Variants in CD4 observed in about 807,000 individuals in gnomAD.
CD4 encodes the protein CD4 molecule.
A neutral mutation model predicts 50.5 loss-of-function variants in CD4; 25 were observed. The observed-to-expected ratio is 0.49, with a 90% CI of 0.36 to 0.69. The LOEUF is 0.69. Among genes scored for constraint, CD4 ranks in the 30% least tolerant of loss-of-function variants. The probability of loss-of-function intolerance (pLI) is 0.00; values close to 1 mark genes in which losing one functional copy is unlikely to be tolerated. For missense variants in CD4, 456 were observed against 548.5 expected, an observed-to-expected ratio of 0.83 and a Z score of 1.68; for synonymous variants, 207 against 221.9, an observed-to-expected ratio of 0.93 and a Z score of 0.60.
chr12:6,807,245 T>C (rs1309119338), intron 3 of CD4, among the ~76,000 whole-genome samples: 1 of 152,294 alleles, frequency 6.6e-6, no homozygotes, highest in Non-Finnish European at 1.5e-5. Context: ...CCTAGAGCAA[T>C]GAAGACTTAT....
Position 6,800,207 on chromosome 12 carries a change from G to A in CD4, c.49+20G>A, listed in dbSNP as rs201059681. The A allele has an allele frequency of 1.0e-5, 16 of 1,561,818 alleles. No homozygotes were observed. Among genetic ancestry groups the A allele is most frequent in the Non-Finnish European group, 1.4e-5 (16 of 1,151,072 alleles). ...AACTGGGTAAGTTCTCAGACCTGGGGTCTCAATGCAGATGACGTGGGAGGA... is the reference window on the plus strand; with the variant it reads ...AACTGGGTAAGTTCTCAGACCTGGGATCTCAATGCAGATGACGTGGGAGGA... On this transcript the variant is annotated intron_variant, in intron 2 of 9. Transcript: ENST00000011653.
rs1328368781 is a variant in CD4, at chr12:6,800,360, G to A, written c.103G>A (p.Asp35Asn). 3.1e-6 allele frequency: 5 copies of A among 1,614,076 alleles called. No individual in the cohort carries two copies. The highest frequency in any genetic ancestry group is 4.2e-6 in the Non-Finnish European group (5 of 1,180,002). ...GKKVVLGKKG[D>N]TVELTCTASQ... ...GAAAGTGGTGCTGGGCAAAAAAGGG[G>A]ATACAGTGGAACTGACCTGTACAGC... The change falls in exon 3 of 10, where the codon GAT (aspartate) becomes AAT (asparagine). Residue 35 changes from aspartate (D) to asparagine (N), a missense_variant. Asp to Asn is a conservative substitution (Grantham distance 23, BLOSUM62 1). Transcript: ENST00000011653.
chr12:6,805,827 A>G (rs1942737627), intron 3 of CD4, among the ~76,000 whole-genome samples: 1 of 152,082 alleles, frequency 6.6e-6, no homozygotes, highest in African/African-American at 2.4e-5. Flanking sequence ...CTGTAATCCT[A>G]GCACTTTGGG....
intron 1 of CD4, among the ~76,000 whole-genome samples, chr12:6,795,138 AATCT>A (rs944135440): frequency 3.0e-5 from 4 of 132,188 alleles, no homozygotes; most frequent in Admixed American, 1.5e-4. Context: ...CTATCTATCT[AATCT>A]ATCTTTCTGT....
rs1943219720 is a variant in CD4, at chr12:6,819,700, C to A, written c.*371C>A. ...TGGAAGCATGGAGCATGGGACTGTT[C>A]TTTTACAAGACAGGACCCTGGGACC... is the stretch of plus-strand genomic sequence containing the variant. On this transcript the variant is annotated 3_prime_UTR_variant, in exon 10 of 10. Coordinates refer to ENST00000011653, the MANE Select transcript of CD4 (RefSeq NM_000616.5). The A allele has an allele frequency of 3.8e-6, 1 of 261,560 alleles. No homozygotes were observed. The highest frequency in any genetic ancestry group is 5.5e-5 in the South Asian group (1 of 18,216). 16.2% of individuals were successfully genotyped at this position (261,560 alleles called of 1,614,324 possible).
Position 6,814,762 on chromosome 12 carries a change from C to T in CD4, c.377C>T (p.Thr126Ile). ...CAGCTGGCCTTTCCCTCCACAGTGA[C>T]TGCCAACTCTGACACCCACCTGCTT... ...EEVQLLVFGL[T>I]ANSDTHLLQG... is the part of the protein sequence containing the mutation. The change falls in exon 5 of 10, where the codon ACT (threonine) becomes ATT (isoleucine). Residue 126 changes from threonine (T) to isoleucine (I), a missense_variant. Coordinates refer to ENST00000011653, the MANE Select transcript of CD4 (RefSeq NM_000616.5). 2 of 1,613,162 alleles carry T rather than the reference C, an allele frequency of 1.2e-6. No individual in the cohort carries two copies. The highest frequency in any genetic ancestry group is 1.7e-6 in the Non-Finnish European group (2 of 1,179,246).
chr12:6,808,955 C>T lies in CD4; in HGVS notation c.215-5187C>T, dbSNP rs11064406. Among the ~76,000 whole-genome samples, 1,469 of 152,176 alleles carry T rather than the reference C, an allele frequency of 9.7e-3. 19 individuals are homozygous for T. Among genetic ancestry groups the T allele is most frequent in the African/African-American group, 0.033 (1,369 of 41,520 alleles). On this transcript the variant is annotated intron_variant, in intron 3 of 9. Transcript: ENST00000011653. Reference sequence around the variant, plus strand: ...GTTTTAATTTGCATTTCTTTCACTGCCTATGAGATTAAAACAATGCACTAC... The same window carrying T: ...GTTTTAATTTGCATTTCTTTCACTGTCTATGAGATTAAAACAATGCACTAC...
rs201423104 is a variant in CD4 at position 6,814,885 on chromosome 12, A to T, written c.500A>T (p.Lys167Met). The T allele has an allele frequency of 6.2e-7, 1 of 1,613,412 alleles. No individual in the cohort carries two copies. Among genetic ancestry groups the T allele is most frequent in the African/African-American group, 1.3e-5 (1 of 74,834 alleles). ...AGGGGTAAAAACATACAGGGGGGGA[A>T]GACCCTCTCCGTGTCTCAGCTGGAG... ...SPRGKNIQGG[K>M]TLSVSQLELQ... is the part of the protein sequence containing the mutation. Residue 167 changes from lysine (K) to methionine (M), a missense_variant, in exon 5 of 10, where the codon AAG becomes ATG. Lys to Met is a moderately conservative substitution (Grantham distance 95). Coordinates refer to ENST00000011653, the MANE Select transcript of CD4 (RefSeq NM_000616.5).
chr12:6,815,103 G>A, intron 5 of CD4, 111 bp downstream of exon 5: 2 of 751,832 alleles, frequency 2.7e-6, no homozygotes, highest in East Asian at 5.4e-5. Context: ...GTCAGGAGTG[G>A]AGAAGACTAG....
chr12:6,797,443 C>T (rs891064561), intron 1 of CD4, among the ~76,000 whole-genome samples: 1 of 152,238 alleles, frequency 6.6e-6, no homozygotes, highest in African/African-American at 2.4e-5. Context: ...GTATTTCTCG[C>T]AAGGTGGAGA....
chr12:6,790,790 G>A (rs772604807), intron 1 of CD4, among the ~76,000 whole-genome samples: 13 of 152,174 alleles, frequency 8.5e-5, no homozygotes, highest in Non-Finnish European at 1.2e-4. Context: ...CCTGGGGTAC[G>A]TTCTGATCCC....
At chr12:6,793,897 C>G (rs1281683709) in intron 1 of CD4, among the ~76,000 whole-genome samples, 1 of 151,306 alleles carries the variant, frequency 6.6e-6, no homozygotes, top group African/African-American at 2.4e-5. Flanking sequence ...AAGTGATCTG[C>G]CTGCCTCGGC....
chr12:6,801,661 A>C (rs781993096), intron 3 of CD4, among the ~76,000 whole-genome samples: 93 of 150,394 alleles, frequency 6.2e-4, no homozygotes, highest in African/African-American at 2.1e-3. Context: ...CCCGGGTTCA[A>C]GTGATTCTCC....
At chr12:6,817,856 C>G (rs1294441907) in intron 7 of CD4, among the ~76,000 whole-genome samples, 1 of 144,914 alleles carries the variant, frequency 6.9e-6, no homozygotes, top group Non-Finnish European at 1.5e-5. Flanking sequence ...CACACATGTA[C>G]TCACACATGC....
chr12:6,818,951 G>A lies in CD4; in HGVS notation c.1346+37G>A. On this transcript the variant is annotated intron_variant, in intron 9 of 9. Transcript: ENST00000011653. The surrounding 1 kb of genome is among the most constrained non-coding windows in gnomAD (Gnocchi z 5.0). ...GGAGGAGGGGTTGAGAGAGGGGAAA[G>A]GGGGAGGGGGAGGGAGTTAGAGAGG... is the stretch of plus-strand genomic sequence containing the variant. 1.1e-6 allele frequency: 1 copy of A among 905,368 alleles called. No individual in the cohort carries two copies. Among genetic ancestry groups the A allele is most frequent in the South Asian group, 1.4e-5 (1 of 71,230 alleles). The allele number at this position is 905,368 out of a possible 1,614,324, so 56.1% of individuals were successfully genotyped here. A position where few individuals can be genotyped will look rare whatever the true frequency, so the allele number is the denominator to read the frequency against.
At chr12:6,813,727 T>C (rs1357877353) in intron 3 of CD4, 2 of 158,864 alleles carry the variant, frequency 1.3e-5, no homozygotes, top group African/African-American at 4.8e-5. Context: ...TCTCCTACAA[T>C]GTGTGAGAGT....
In CD4 at chr12:6,816,052, C is replaced by G. The variant is rs74059131; in HGVS notation, c.608-4C>G. The G allele has an allele frequency of 1.2e-3, 1,890 of 1,614,082 alleles. 23 individuals are homozygous for G. The African/African-American group carries it at 0.022, about 19-fold the overall frequency. On this transcript the variant is annotated splice_polypyrimidine_tract_variant and splice_region_variant and intron_variant, in intron 5 of 9. Transcript: ENST00000011653. The surrounding 1 kb of genome is among the most constrained non-coding windows in gnomAD (Gnocchi z 4.9). ...ACCCAGGGTCTCTCCCTTCCCACCT[C>G]CAGCTTTCCAGAAGGCCTCCAGCAT...
chr12:6,819,496 G>A lies in CD4; in HGVS notation c.*167G>A. ...GGGTTAGGCCCCGGCTTCACTGGTT[G>A]AGTGTTGCTCTCTAGTTTCCAGAGG... On this transcript the variant is annotated 3_prime_UTR_variant, in exon 10 of 10. Coordinates refer to ENST00000011653, the MANE Select transcript of CD4 (RefSeq NM_000616.5). 1 of 664,206 alleles carries A rather than the reference G, an allele frequency of 1.5e-6. No individual in the cohort carries two copies. 41.1% of individuals were successfully genotyped at this position (664,206 alleles called of 1,614,324 possible).
chr12:6,813,880 T>C (rs1943010430), intron 3 of CD4, among the ~76,000 whole-genome samples: 1 of 152,212 alleles, frequency 6.6e-6, no homozygotes, highest in Non-Finnish European at 1.5e-5. Context: ...ACTGAGATGA[T>C]GCCTGTAAAG....
Sources: gnomAD v4.1 joint callset for allele counts (sites outside exome capture counted in the v4.1 genomes callset) on GRCh38, gnomAD v4.1.1 for gene constraint, Gnocchi (gnomAD v3.1) non-coding constraint, MANE v1.5 for transcripts, NCBI Gene and HGNC (gene_info 2026-07-23, HGNC 2026-07-21) for gene names.